OR56A3: variants seen among roughly 807,000 people sequenced by gnomAD.
The protein encoded by OR56A3 is olfactory receptor family 56 subfamily A member 3.
In OR56A3, 23 loss-of-function variants were observed where a neutral mutation model predicts 17.5. That is an observed-to-expected ratio of 1.32 (90% CI 0.95 to 1.87). OR56A3 has a LOEUF of 1.87. Among genes scored for constraint, OR56A3 ranks in the 40% most tolerant of loss-of-function variants. OR56A3 has a pLI of 0.00. For synonymous variants in OR56A3, 175 were observed against 150.6 expected (o/e 1.16, Z -1.19); for missense variants, 366 against 380.1 (o/e 0.96, Z 0.31).
At chr11:5,956,144 A>G (rs1013548907), downstream of OR56A3, among the ~76,000 whole-genome samples, 6 of 152,236 alleles carry the variant, frequency 3.9e-5, no homozygotes, top group African/African-American at 1.4e-4. Context: ...CTTATGCATG[A>G]TGTTATCATT....
At chr11:5,982,187 T>C in the OR56A3 span, among the ~76,000 whole-genome samples, 1 of 152,114 alleles carries the variant, frequency 6.6e-6, no homozygotes, top group Admixed American at 6.5e-5. Context: ...GGCAGAGTGA[T>C]GGCATGGTGG....
chr11:5,972,509 G>A, the OR56A3 span, among the ~76,000 whole-genome samples: 2 of 152,168 alleles, frequency 1.3e-5, no homozygotes, highest in Non-Finnish European at 2.9e-5. Context: ...GGAATCTACT[G>A]CCTGCATCCA....
At chr11:5,981,675 C>T in the OR56A3 span, among the ~76,000 whole-genome samples, 1 of 152,216 alleles carries the variant, frequency 6.6e-6, no homozygotes, top group African/African-American at 2.4e-5. Flanking sequence ...TCAGCCATCT[C>T]AGCCTGGTTA....
At chr11:5,968,051 G>T in the OR56A3 span, 1 of 1,607,188 alleles carries the variant, frequency 6.2e-7, no homozygotes, top group Non-Finnish European at 8.5e-7. Context: ...CAACAAAGAT[G>T]GCAGCCCTAG....
chr11:6,013,390 T>TG, the OR56A3 span, among the ~76,000 whole-genome samples: 1 of 152,072 alleles, frequency 6.6e-6, no homozygotes, highest in African/African-American at 2.4e-5. Context: ...AGGCAATTGT[T>TG]GGGGGGATCC....
At chr11:6,011,752 A>G in the OR56A3 span, among the ~76,000 whole-genome samples, 2 of 152,110 alleles carry the variant, frequency 1.3e-5, no homozygotes, top group Admixed American at 1.3e-4. Flanking sequence ...CCACACCTCC[A>G]AGGGAGACTG....
the OR56A3 span, among the ~76,000 whole-genome samples, chr11:5,998,507 A>C: frequency 6.6e-6 from 1 of 152,210 alleles, no homozygotes; most frequent in Non-Finnish European, 1.5e-5. Context: ...CACCAAGGGA[A>C]GGGACTATCA....
the OR56A3 span, among the ~76,000 whole-genome samples, chr11:5,961,592 C>G: frequency 6.6e-6 from 1 of 151,886 alleles, no homozygotes. Context: ...TCTCAACTAC[C>G]CAGGGACACA....
At chr11:5,989,214 G>A in the OR56A3 span, among the ~76,000 whole-genome samples, 4 of 152,300 alleles carry the variant, frequency 2.6e-5, no homozygotes, top group Admixed American at 2.6e-4. Context: ...CACATAGAGA[G>A]AAAGTCCATT....
At chr11:5,974,382 G>A in the OR56A3 span, among the ~76,000 whole-genome samples, 1 of 152,142 alleles carries the variant, frequency 6.6e-6, no homozygotes, top group South Asian at 2.1e-4. Flanking sequence ...TAGGATTACA[G>A]GCATGAGCCA....
the OR56A3 span, among the ~76,000 whole-genome samples, chr11:5,992,703 A>G: frequency 1.3e-5 from 2 of 152,290 alleles, no homozygotes; most frequent in Middle Eastern, 3.4e-3. Context: ...CAAGTTCCCA[A>G]TGAGATGGGC....
the OR56A3 span, among the ~76,000 whole-genome samples, chr11:5,981,928 T>C: frequency 1.3e-5 from 2 of 152,164 alleles, no homozygotes; most frequent in Non-Finnish European, 2.9e-5. Flanking sequence ...CAGGGGGCCA[T>C]GGTTCAACTC....
At chr11:5,995,719 A>T in the OR56A3 span, among the ~76,000 whole-genome samples, 1 of 152,252 alleles carries the variant, frequency 6.6e-6, no homozygotes, top group Non-Finnish European at 1.5e-5. Context: ...ACCTCACATA[A>T]CTATCATTTT....
chr11:5,998,728 A>G, the OR56A3 span, among the ~76,000 whole-genome samples: 2 of 152,238 alleles, frequency 1.3e-5, no homozygotes, highest in East Asian at 3.8e-4. Context: ...TTGCTATTTT[A>G]TAGGTAAACT....
At chr11:5,968,866 A>C in the OR56A3 span, among the ~76,000 whole-genome samples, 1 of 152,220 alleles carries the variant, frequency 6.6e-6, no homozygotes. Context: ...ATAAGTTTAC[A>C]GAGTAATCTA....
chr11:5,980,638 C>A, the OR56A3 span, among the ~76,000 whole-genome samples: 16 of 152,074 alleles, frequency 1.1e-4, no homozygotes, highest in African/African-American at 3.1e-4. Context: ...ATCCAACTTA[C>A]CAAATTGAAC....
chr11:5,993,666 T>A, the OR56A3 span, among the ~76,000 whole-genome samples: 1 of 152,196 alleles, frequency 6.6e-6, no homozygotes, highest in African/African-American at 2.4e-5. Context: ...ATAAGAGAAA[T>A]ATTAATATAA....
the OR56A3 span, chr11:5,995,052 A>G: frequency 1.6e-6 from 1 of 627,836 alleles, no homozygotes; most frequent in East Asian, 2.8e-5. Context: ...CGGCGCCTGC[A>G]TAGACGCTGG....
chr11:5,951,626 T>G (rs1847908528), downstream of OR56A3, among the ~76,000 whole-genome samples: 1 of 152,130 alleles, frequency 6.6e-6, no homozygotes. Context: ...CAAGCAGATA[T>G]TTGAGAGGGC....
Sources: gnomAD v4.1 joint callset for allele counts (sites outside exome capture counted in the v4.1 genomes callset) on GRCh38, gnomAD v4.1.1 for gene constraint, MANE v1.5 for transcripts, NCBI Gene and HGNC (gene_info 2026-07-23, HGNC 2026-07-21) for gene names.